The following GPHN variants were observed in gnomAD, a reference collection of about 807,000 sequenced individuals.
The protein encoded by GPHN is gephyrin.
A neutral mutation model predicts 95.5 loss-of-function variants in GPHN; 17 were observed. The ratio of observed to expected loss-of-function variants is 0.18; its 90% confidence interval spans 0.12 to 0.27. The LOEUF is 0.27. GPHN is among the 10% of genes least tolerant of loss of function. The pLI is 1.00. For synonymous variants in GPHN, 320 were observed against 322.5 expected (o/e 0.99, Z 0.08); for missense variants, 660 against 978.1 (o/e 0.67, Z 4.34).
intron 1 of GPHN, among the ~76,000 whole-genome samples, chr14:66,619,844 A>G (rs1187319783): frequency 6.6e-6 from 1 of 152,234 alleles, no homozygotes; most frequent in East Asian, 1.9e-4. Flanking sequence ...GTATTCTGCA[A>G]CTATGCTAAA....
At chr14:66,692,100 CA>C (rs1455294333) in intron 2 of GPHN, among the ~76,000 whole-genome samples, 1 of 152,066 alleles carries the variant, frequency 6.6e-6, no homozygotes, top group African/African-American at 2.4e-5. Flanking sequence ...GTGGGTTTTG[CA>C]GATGCAAATA....
chr14:67,276,382 G>A, the GPHN span, among the ~76,000 whole-genome samples: 1,159 of 152,198 alleles, frequency 7.6e-3, 14 homozygotes, highest in African/African-American at 0.025. Context: ...GCCTGGAATA[G>A]ACCTTTCTAC....
At chr14:66,685,120 G>C (rs1049938632) in intron 2 of GPHN, among the ~76,000 whole-genome samples, 1 of 152,162 alleles carries the variant, frequency 6.6e-6, no homozygotes, top group South Asian at 2.1e-4. Context: ...TGGTGTATAT[G>C]TACCACATTT....
At chr14:67,047,388 C>CA (rs1410969104) in intron 10 of GPHN, among the ~76,000 whole-genome samples, 30 of 120,704 alleles carry the variant, frequency 2.5e-4, no homozygotes, top group African/African-American at 9.7e-4. Flanking sequence ...TTTTTTGAGA[C>CA]AGAGTCTCAC....
intron 9 of GPHN, among the ~76,000 whole-genome samples, chr14:66,997,866 C>T (rs2153608288): frequency 6.6e-6 from 1 of 152,218 alleles, no homozygotes; most frequent in Non-Finnish European, 1.5e-5. Flanking sequence ...TCAACAAAGA[C>T]ATTTGAAAGA....
At chr14:66,738,562 A>G (rs1402984179) in intron 2 of GPHN, among the ~76,000 whole-genome samples, 2 of 152,156 alleles carry the variant, frequency 1.3e-5, no homozygotes, top group Non-Finnish European at 2.9e-5. Context: ...AAATAGATTG[A>G]TGCAGACAGC....
At chr14:67,174,221 C>A (rs1211307060) in intron 21 of GPHN, among the ~76,000 whole-genome samples, 8 of 148,380 alleles carry the variant, frequency 5.4e-5, no homozygotes, top group African/African-American at 1.7e-4. Flanking sequence ...ATTCCTCCCC[C>A]AGCCCCCCAC....
At chr14:67,532,782 T>C in the GPHN span, among the ~76,000 whole-genome samples, 4 of 152,238 alleles carry the variant, frequency 2.6e-5, no homozygotes, top group Admixed American at 1.3e-4. Flanking sequence ...GACTGAAATA[T>C]GGACTTCTGT....
the GPHN span, among the ~76,000 whole-genome samples, chr14:67,422,993 G>A: frequency 3.3e-3 from 501 of 151,912 alleles, 8 homozygotes; most frequent in Admixed American, 0.03. Flanking sequence ...CACCATGCCC[G>A]GCTAATTTTT....
chr14:67,004,253 G>A (rs2072445559), intron 9 of GPHN, among the ~76,000 whole-genome samples: 1 of 151,704 alleles, frequency 6.6e-6, no homozygotes, highest in Non-Finnish European at 1.5e-5. Context: ...ATAATGGTTT[G>A]GATGTGCTGT....
the GPHN span, among the ~76,000 whole-genome samples, chr14:67,315,534 T>C: frequency 2.0e-4 from 30 of 152,244 alleles, no homozygotes; most frequent in African/African-American, 6.5e-4. Context: ...CCTTGGCCTC[T>C]CAAAGTGTTG....
the GPHN span, among the ~76,000 whole-genome samples, chr14:67,394,068 GT>G: frequency 6.6e-6 from 1 of 152,158 alleles, no homozygotes; most frequent in African/African-American, 2.4e-5. Context: ...AGGTAGGTTT[GT>G]TTATACCTCC....
chr14:66,622,283 G>A (rs771896562), intron 1 of GPHN, among the ~76,000 whole-genome samples: 2 of 152,084 alleles, frequency 1.3e-5, no homozygotes, highest in African/African-American at 4.8e-5. Context: ...GGGATGCAGG[G>A]CACCACCTTT....
At chr14:67,005,783 T>A (rs2072565016) in intron 9 of GPHN, among the ~76,000 whole-genome samples, 1 of 151,994 alleles carries the variant, frequency 6.6e-6, no homozygotes, top group Admixed American at 6.6e-5. Context: ...CATGTGACTT[T>A]TATTAGTAGA....
chr14:66,790,125 C>T (rs1029789327), intron 3 of GPHN, among the ~76,000 whole-genome samples: 6 of 152,104 alleles, frequency 3.9e-5, no homozygotes, highest in Admixed American at 2.6e-4. Context: ...TTTAATTAAG[C>T]TTTTAACCAT....
chr14:67,123,657 C>T lies in GPHN; in HGVS notation c.1748+1280C>T, dbSNP rs2079131742. Among the ~76,000 whole-genome samples the T allele has an allele frequency of 7.9e-5, 12 of 152,286 alleles. No individual in the cohort carries two copies. The South Asian group carries it at 2.5e-3, about 32-fold the overall frequency. On this transcript the variant is annotated intron_variant, in intron 17 of 22. Transcript: ENST00000478722. ...TAACACTGCACCCCAGCCTGGGAAA[C>T]AGAGTGAGACTCTGTCTCAAAAAAT...
chr14:66,877,102 T>C (rs554709646), intron 4 of GPHN, among the ~76,000 whole-genome samples: 2 of 152,256 alleles, frequency 1.3e-5, no homozygotes, highest in South Asian at 2.1e-4. Flanking sequence ...TCAGTAAACA[T>C]AATCCTCACA....
chr14:67,503,334 G>T, the GPHN span, among the ~76,000 whole-genome samples: 1 of 152,208 alleles, frequency 6.6e-6, no homozygotes, highest in East Asian at 1.9e-4. Context: ...CTGAAGCAGG[G>T]GTGGGCGTGT....
intron 14 of GPHN, among the ~76,000 whole-genome samples, 196 bp from the exon 15 acceptor site, chr14:67,111,665 T>G (rs1027948351): frequency 4.6e-5 from 7 of 152,174 alleles, no homozygotes; most frequent in African/African-American, 1.7e-4. Flanking sequence ...AATTTTTTAT[T>G]TATTGGCACC....
Sources: gnomAD v4.1 joint callset for allele counts (sites outside exome capture counted in the v4.1 genomes callset) on GRCh38, gnomAD v4.1.1 for gene constraint, MANE v1.5 for transcripts, NCBI Gene and HGNC (gene_info 2026-07-23, HGNC 2026-07-21) for gene names.